NTN1: variants seen among roughly 807,000 people sequenced by gnomAD.
The protein encoded by NTN1 is netrin-1.
In NTN1, 11 loss-of-function variants were observed where a neutral mutation model predicts 54.2. The observed-to-expected ratio is 0.20, with a 90% CI of 0.13 to 0.34. The LOEUF (loss-of-function observed/expected upper bound fraction) is 0.34, where lower values mean the gene tolerates loss of function less well. Among genes scored for constraint, NTN1 ranks in the 10% least tolerant of loss-of-function variants. The pLI is 1.00. For synonymous variants in NTN1, 371 were observed against 382.0 expected (o/e 0.97, Z 0.33); for missense variants, 740 against 893.1 (o/e 0.83, Z 2.18).
intron 2 of NTN1, among the ~76,000 whole-genome samples, chr17:9,057,580 C>T (rs2091983308): frequency 6.6e-6 from 1 of 152,134 alleles, no homozygotes. Context: ...ATTTTCCATT[C>T]TGTAATACTT....
intron 2 of NTN1, among the ~76,000 whole-genome samples, chr17:9,141,507 T>C (rs2092297746): frequency 6.6e-6 from 1 of 152,062 alleles, no homozygotes; most frequent in Admixed American, 6.6e-5. Flanking sequence ...GTGGGCGTCC[T>C]GGTGGGATAA....
At chr17:9,116,045 G>C (rs2092210991) in intron 2 of NTN1, among the ~76,000 whole-genome samples, 3 of 152,242 alleles carry the variant, frequency 2.0e-5, no homozygotes, top group African/African-American at 7.2e-5. Context: ...CAGCTTCTTA[G>C]AGCCCCAGAA....
At chr17:9,159,538 A>G (rs1412398361) in intron 2 of NTN1, among the ~76,000 whole-genome samples, 1 of 152,198 alleles carries the variant, frequency 6.6e-6, no homozygotes, top group Non-Finnish European at 1.5e-5. Context: ...GCAGTGGCTC[A>G]TGTCTGTAAT....
At chr17:9,079,480 A>G (rs375031154) in intron 2 of NTN1, among the ~76,000 whole-genome samples, 10 of 152,278 alleles carry the variant, frequency 6.6e-5, no homozygotes, top group South Asian at 2.1e-4. Context: ...CCTTAACACT[A>G]TTCTTTCCTC....
At chr17:9,159,799 TC>T (rs1392694811) in intron 2 of NTN1, among the ~76,000 whole-genome samples, 1 of 151,556 alleles carries the variant, frequency 6.6e-6, no homozygotes, top group Admixed American at 6.6e-5. Context: ...AGACTCCATC[TC>T]AAATAAATAA....
At chr17:9,223,634 C>T (rs1905439301) in intron 6 of NTN1, among the ~76,000 whole-genome samples, 1 of 152,314 alleles carries the variant, frequency 6.6e-6, no homozygotes, top group Non-Finnish European at 1.5e-5. Flanking sequence ...TCTTCAGTGT[C>T]CCCTGGGGAC....
chr17:9,101,071 A>G (rs542352008), intron 2 of NTN1, among the ~76,000 whole-genome samples: 15 of 152,092 alleles, frequency 9.9e-5, no homozygotes, highest in Non-Finnish European at 1.9e-4. Flanking sequence ...TAAATTCATT[A>G]TGTTCTGCCT....
chr17:9,226,947 C>CCCG (rs1475898402), intron 6 of NTN1, among the ~76,000 whole-genome samples: 1 of 152,022 alleles, frequency 6.6e-6, no homozygotes, highest in Non-Finnish European at 1.5e-5. Context: ...GCATCCCAGC[C>CCCG]CCGCCCCCCG....
upstream of NTN1, among the ~76,000 whole-genome samples, chr17:9,021,155 C>G (rs1441301280): frequency 6.6e-6 from 1 of 152,066 alleles, no homozygotes; most frequent in East Asian, 1.9e-4. Context: ...TTCCCCCGCC[C>G]GCGCGCTCCC....
At chr17:9,028,508 A>G (rs927975925) in intron 2 of NTN1, among the ~76,000 whole-genome samples, 1 of 152,164 alleles carries the variant, frequency 6.6e-6, no homozygotes, top group East Asian at 1.9e-4. Flanking sequence ...CGTGCTCTCT[A>G]TTAGCCCTGC....
chr17:9,242,197 TGGAGAGACTCCA>T lies in NTN1; in HGVS notation c.*2239_*2250del, dbSNP rs1356268737. ...GGTGTTTTGGCTGCCTCAGGGTGGT[TGGAGAGACTCCA>T]GGAGAGACTGGCAGAGGTGCCTCAG... On this transcript the variant is annotated 3_prime_UTR_variant, in exon 7 of 7. Coordinates refer to ENST00000173229, the MANE Select transcript of NTN1 (RefSeq NM_004822.3). 6.6e-6 allele frequency: 1 copy of T among 152,464 alleles called. No homozygotes were observed. 9.4% of individuals were successfully genotyped at this position (152,464 alleles called of 1,614,324 possible). A position where few individuals can be genotyped will look rare whatever the true frequency, so the allele number is the denominator to read the frequency against.
intron 2 of NTN1, among the ~76,000 whole-genome samples, chr17:9,160,789 C>T (rs907579453): frequency 6.7e-6 from 1 of 150,248 alleles, no homozygotes; most frequent in Non-Finnish European, 1.5e-5. Flanking sequence ...CCTGTTTCTA[C>T]AAAAAAAAAT....
intron 2 of NTN1, among the ~76,000 whole-genome samples, chr17:9,046,924 T>C (rs2091943112): frequency 6.6e-6 from 1 of 152,234 alleles, no homozygotes; most frequent in Non-Finnish European, 1.5e-5. Flanking sequence ...TCCAGACCAC[T>C]GCAATAAAGG....
chr17:9,162,768 C>T (rs997278929), intron 2 of NTN1, 45 bp from the exon 3 acceptor site: 1 of 1,560,656 alleles, frequency 6.4e-7, no homozygotes, highest in Non-Finnish European at 8.7e-7. Context: ...TGCCTGTCCT[C>T]CCCGCGCCCC....
chr17:9,170,832 A>G (rs188294506), intron 3 of NTN1, among the ~76,000 whole-genome samples: 1 of 152,046 alleles, frequency 6.6e-6, no homozygotes. Flanking sequence ...ACTGTGTCGT[A>G]CAGCCCTATT....
chr17:9,145,916 C>CAAAA (rs60504172), intron 2 of NTN1, among the ~76,000 whole-genome samples: 10 of 88,998 alleles, frequency 1.1e-4, no homozygotes, highest in African/African-American at 3.9e-4. Flanking sequence ...GACTCCATCT[C>CAAAA]AAAAAAAAAA....
intron 2 of NTN1, among the ~76,000 whole-genome samples, chr17:9,142,154 T>G (rs7224475): frequency 0.016 from 2,395 of 151,834 alleles, 68 homozygotes; most frequent in African/African-American, 0.054. Context: ...CTGGGCATGG[T>G]GGCGGGCCCC....
intron 2 of NTN1, among the ~76,000 whole-genome samples, chr17:9,100,368 G>A (rs990739032): frequency 6.6e-6 from 1 of 152,150 alleles, no homozygotes; most frequent in Admixed American, 6.6e-5. Flanking sequence ...CACGATCTCG[G>A]CTCACTCCAA....
At chr17:9,198,375 C>T (rs1157066722) in intron 5 of NTN1, among the ~76,000 whole-genome samples, 2 of 152,194 alleles carry the variant, frequency 1.3e-5, no homozygotes, top group Non-Finnish European at 2.9e-5. Flanking sequence ...CCGGATATCT[C>T]CAGGGAAAGC....
Sources: allele counts gnomAD v4.1 joint callset (sites outside exome capture counted in the v4.1 genomes callset), GRCh38; gene constraint gnomAD v4.1.1; transcripts MANE v1.5; gene names NCBI Gene and HGNC (gene_info 2026-07-23, HGNC 2026-07-21).